Variants in LINGO2 observed in about 807,000 individuals in gnomAD.
The protein encoded by LINGO2 is leucine-rich repeat and immunoglobulin-like domain-containing nogo receptor-interacting protein 2.
LINGO2 carries 14 observed loss-of-function variants against 30.6 expected under a neutral mutation model. That is an observed-to-expected ratio of 0.46 (90% CI 0.30 to 0.72). The LOEUF (loss-of-function observed/expected upper bound fraction) is 0.72, where lower values mean the gene tolerates loss of function less well. Among genes scored for constraint, LINGO2 ranks in the 30% least tolerant of loss-of-function variants. LINGO2 has a pLI of 0.07. For missense variants in LINGO2, 729 were observed against 751.7 expected (o/e 0.97, Z 0.35); for synonymous variants, 317 against 288.5 (o/e 1.10, Z -1.00).
chr9:29,055,106 C>T, the LINGO2 span, among the ~76,000 whole-genome samples: 1 of 152,024 alleles, frequency 6.6e-6, no homozygotes, highest in Non-Finnish European at 1.5e-5. Flanking sequence ...GTAGTCCCAG[C>T]TACTCAGGAG....
At chr9:28,283,897 T>A (rs1823413969) in intron 4 of LINGO2, among the ~76,000 whole-genome samples, 2 of 152,180 alleles carry the variant, frequency 1.3e-5, no homozygotes, top group Admixed American at 6.5e-5. Context: ...AAGAAGAGAC[T>A]TTATGAAGAT....
At chr9:28,134,617 G>A (rs140270748) in intron 4 of LINGO2, among the ~76,000 whole-genome samples, 1 of 152,292 alleles carries the variant, frequency 6.6e-6, no homozygotes, top group East Asian at 1.9e-4. Context: ...TAAGAGTAAG[G>A]AATCCCCTGA....
chr9:28,476,822 T>C (rs1450566431), intron 1 of LINGO2, among the ~76,000 whole-genome samples: 1 of 152,220 alleles, frequency 6.6e-6, no homozygotes, highest in African/African-American at 2.4e-5. Context: ...GTATTTAATA[T>C]AATGGACAAG....
chr9:28,713,456 C>T, the LINGO2 span, among the ~76,000 whole-genome samples: 2 of 152,090 alleles, frequency 1.3e-5, no homozygotes, highest in Non-Finnish European at 2.9e-5. Context: ...TATGACTATG[C>T]TAGCCAAAAG....
At chr9:28,617,968 A>G (rs1316345182) in intron 1 of LINGO2, among the ~76,000 whole-genome samples, 1 of 152,192 alleles carries the variant, frequency 6.6e-6, no homozygotes, top group African/African-American at 2.4e-5. Context: ...ATGTGAAGAT[A>G]TCACTGAAGT....
At chr9:28,045,325 T>C (rs2133017844) in intron 4 of LINGO2, among the ~76,000 whole-genome samples, 1 of 152,278 alleles carries the variant, frequency 6.6e-6, no homozygotes. Flanking sequence ...TTTGAGTATT[T>C]TATAGACAGA....
At chr9:29,007,213 T>G in the LINGO2 span, among the ~76,000 whole-genome samples, 3 of 152,092 alleles carry the variant, frequency 2.0e-5, no homozygotes, top group Admixed American at 2.0e-4. Flanking sequence ...TACTGAATAT[T>G]TCTTCCCAGG....
At chr9:28,594,616 G>A (rs531521992) in intron 1 of LINGO2, among the ~76,000 whole-genome samples, 3 of 152,142 alleles carry the variant, frequency 2.0e-5, no homozygotes, top group Admixed American at 1.3e-4. Context: ...ATAGAACAGC[G>A]TATATAAGGC....
chr9:28,640,667 T>G (rs1827529972), intron 1 of LINGO2, among the ~76,000 whole-genome samples: 2 of 152,112 alleles, frequency 1.3e-5, no homozygotes, highest in African/African-American at 2.4e-5. Context: ...GCCATGGTTT[T>G]CAGCTCCATC....
intron 3 of LINGO2, among the ~76,000 whole-genome samples, chr9:28,332,433 A>G (rs1825454374): frequency 6.6e-6 from 1 of 152,110 alleles, no homozygotes; most frequent in Non-Finnish European, 1.5e-5. Context: ...TAATGTACCA[A>G]TTCTCTAATA....
chr9:29,047,464 G>C, the LINGO2 span, among the ~76,000 whole-genome samples: 4,112 of 152,160 alleles, frequency 0.027, 83 homozygotes, highest in Non-Finnish European at 0.042. Flanking sequence ...TTCAACCGTT[G>C]TGAAAAGCTC....
At chr9:28,847,209 G>C in the LINGO2 span, among the ~76,000 whole-genome samples, 6 of 148,318 alleles carry the variant, frequency 4.0e-5, 1 homozygote, top group African/African-American at 1.5e-4. Flanking sequence ...TGGCCCCTAA[G>C]ACTCCAATCA....
At chr9:28,319,629 T>C (rs1824967178) in intron 3 of LINGO2, among the ~76,000 whole-genome samples, 1 of 152,150 alleles carries the variant, frequency 6.6e-6, no homozygotes, top group Admixed American at 6.5e-5. Flanking sequence ...ACATACTGTA[T>C]GATTCCTGTT....
At chr9:28,225,938 T>C (rs193137876) in intron 4 of LINGO2, among the ~76,000 whole-genome samples, 6 of 152,236 alleles carry the variant, frequency 3.9e-5, no homozygotes, top group African/African-American at 9.6e-5. Context: ...CCAAAATCAG[T>C]CATCTCTCCA....
chr9:27,949,185 G>C, exon 6 of LINGO2: 1 of 1,613,896 alleles, frequency 6.2e-7, no homozygotes, highest in Non-Finnish European at 8.5e-7. Context: ...AGTTAAGGAG[G>C]CTGTGAAGGT....
At chr9:29,109,001 G>T in the LINGO2 span, among the ~76,000 whole-genome samples, 1 of 152,088 alleles carries the variant, frequency 6.6e-6, no homozygotes, top group African/African-American at 2.4e-5. Flanking sequence ...GAACCATTTT[G>T]CTAAAATATA....
At chr9:28,250,927 C>T (rs915624109) in intron 4 of LINGO2, among the ~76,000 whole-genome samples, 2 of 152,032 alleles carry the variant, frequency 1.3e-5, no homozygotes. Context: ...TCCTCCCACC[C>T]CAGCAGTCAC....
chr9:28,896,553 A>G, the LINGO2 span, among the ~76,000 whole-genome samples: 2 of 152,108 alleles, frequency 1.3e-5, no homozygotes, highest in African/African-American at 2.4e-5. Context: ...TGTTATCTCT[A>G]TGTAATAGTG....
chr9:29,190,443 T>C, the LINGO2 span, among the ~76,000 whole-genome samples: 2 of 152,154 alleles, frequency 1.3e-5, no homozygotes, highest in Admixed American at 6.5e-5. Flanking sequence ...TTATGGTTCA[T>C]AAAAAGCTAA....
Sources: gnomAD v4.1 joint callset for allele counts (sites outside exome capture counted in the v4.1 genomes callset) on GRCh38, gnomAD v4.1.1 for gene constraint, MANE v1.5 for transcripts, NCBI Gene and HGNC (gene_info 2026-07-23, HGNC 2026-07-21) for gene names.